Variants in FRMPD2 observed in about 807,000 individuals in gnomAD.
FRMPD2 encodes FERM and PDZ domain-containing protein 2.
In FRMPD2, 96 loss-of-function variants were observed where a neutral mutation model predicts 140.1. That is an observed-to-expected ratio of 0.69 (90% CI 0.58 to 0.81). The LOEUF (loss-of-function observed/expected upper bound fraction) is 0.81, where lower values mean the gene tolerates loss of function less well. FRMPD2 is among the 40% of genes least tolerant of loss of function. The pLI, the probability that FRMPD2 is intolerant of heterozygous loss-of-function variation, is 0.00. For synonymous variants in FRMPD2, 449 were observed against 547.6 expected, an observed-to-expected ratio of 0.82 and a Z score of 2.52; for missense variants, 1,240 against 1,447.4, an observed-to-expected ratio of 0.86 and a Z score of 2.32.
At chr10:48,248,092 A>C (rs929475875) in intron 3 of FRMPD2, among the ~76,000 whole-genome samples, 1 of 152,164 alleles carries the variant, frequency 6.6e-6, no homozygotes, top group African/African-American at 2.4e-5. Context: ...GAGGGAAAGC[A>C]GCTCCCATTC....
intron 4 of FRMPD2, among the ~76,000 whole-genome samples, chr10:48,244,263 G>T (rs1840193268): frequency 6.6e-6 from 1 of 152,194 alleles, no homozygotes; most frequent in Non-Finnish European, 1.5e-5. Flanking sequence ...GGGACTATAG[G>T]CGTGAGCCAC....
rs1425237912 is a variant in FRMPD2, at chr10:48,156,577, A to G, written c.*745T>C. 4.8e-6 allele frequency: 1 copy of G among 207,430 alleles called. No homozygotes were observed. The highest frequency in any genetic ancestry group is 9.7e-5 in the East Asian group (1 of 10,264). 12.8% of individuals were successfully genotyped at this position (207,430 alleles called of 1,614,324 possible). A position where few individuals can be genotyped will look rare whatever the true frequency, so the allele number is the denominator to read the frequency against. On this transcript the variant is annotated 3_prime_UTR_variant, in exon 29 of 29. Coordinates refer to ENST00000374201, the MANE Select transcript of FRMPD2 (RefSeq NM_001018071.4). Reference sequence around the variant, plus strand: ...CAACCCTGGCTTTGAGGAGCCCCCAATTTAATGAGAAGTTGGAGCAGTAAA... The same window carrying G: ...CAACCCTGGCTTTGAGGAGCCCCCAGTTTAATGAGAAGTTGGAGCAGTAAA...
In FRMPD2 at chr10:48,184,774, C is replaced by G; in HGVS notation, c.2467G>C (p.Gly823Arg). ...TCTCTAGTAATTTAAAAAGATGTAC[C>G]TGGTTTGATCGTTTTTGCTTTTTCT... ...PAEKAKTIKP[G>R]GQILALNHIS... Residue 823 changes from glycine to arginine, a missense_variant and splice_region_variant, in exon 19 of 29, where the codon GGA (glycine) becomes CGA (arginine). Physicochemically the swap from Gly to Arg is moderately radical, Grantham distance 125. This residue lies in a region of FRMPD2 where 1,161 missense variants were observed against 1,055.9 expected (regional missense o/e 1.10). Coordinates refer to ENST00000374201, the MANE Select transcript of FRMPD2 (RefSeq NM_001018071.4). 6.2e-7 allele frequency: 1 copy of G among 1,610,880 alleles called. No homozygotes were observed. The highest frequency in any genetic ancestry group is 1.1e-5 in the South Asian group (1 of 90,578).
At chr10:48,213,413 G>T (rs1025930335) in intron 12 of FRMPD2, among the ~76,000 whole-genome samples, 6 of 152,230 alleles carry the variant, frequency 3.9e-5, no homozygotes, top group African/African-American at 1.2e-4. Flanking sequence ...TTAGAATACA[G>T]TTTGGTTGTT....
chr10:48,273,597 C>A (rs560376345), intron 1 of FRMPD2, among the ~76,000 whole-genome samples: 3 of 152,170 alleles, frequency 2.0e-5, no homozygotes, highest in Non-Finnish European at 4.4e-5. Flanking sequence ...GCTCAAGCAA[C>A]ACCTCTCCCA....
At chr10:48,215,964 C>T (rs1163058363) in intron 12 of FRMPD2, among the ~76,000 whole-genome samples, 2 of 152,128 alleles carry the variant, frequency 1.3e-5, no homozygotes, top group African/African-American at 4.8e-5. Context: ...GATGGCCCTC[C>T]CTAAAGTGAA....
intron 7 of FRMPD2, among the ~76,000 whole-genome samples, chr10:48,238,459 T>A (rs960114442): frequency 6.6e-6 from 1 of 152,216 alleles, no homozygotes; most frequent in Non-Finnish European, 1.5e-5. Flanking sequence ...AGTTCTGGCT[T>A]CTTTAGAATT....
chr10:48,180,291 C>G (rs1356223753), intron 21 of FRMPD2, among the ~76,000 whole-genome samples: 1 of 152,192 alleles, frequency 6.6e-6, no homozygotes, highest in South Asian at 2.1e-4. Flanking sequence ...GACAACACCA[C>G]TGGGAATCCA....
rs1196772010 is a variant in FRMPD2, at chr10:48,238,075, G to A, written c.837C>T (p.Leu279=). The A allele has an allele frequency of 6.2e-7, 1 of 1,613,696 alleles. No homozygotes were observed. Among genetic ancestry groups the A allele is most frequent in the Admixed American group, 1.7e-5 (1 of 60,014 alleles). The change falls in exon 8 of 29, where the codon CTC becomes CTT. Residue 279 remains leucine (L), a synonymous_variant. Coordinates refer to ENST00000374201, the MANE Select transcript of FRMPD2 (RefSeq NM_001018071.4). ...DPQDQQAGRR[L]SSGSVHSAAD... Reference sequence around the variant, plus strand: ...CTGCCGAGTGCACAGATCCAGAGCTGAGCCTCCGGCCCGCCTGCTGGTCCT... The same window carrying A: ...CTGCCGAGTGCACAGATCCAGAGCTAAGCCTCCGGCCCGCCTGCTGGTCCT...
intron 2 of FRMPD2, among the ~76,000 whole-genome samples, chr10:48,250,204 C>T (rs972293267): frequency 1.3e-5 from 2 of 152,142 alleles, no homozygotes; most frequent in Admixed American, 6.5e-5. Context: ...ACCTGGCCAC[C>T]GGTGGCTATT....
intron 15 of FRMPD2, among the ~76,000 whole-genome samples, chr10:48,195,683 A>G (rs74130187): frequency 0.049 from 7,487 of 152,330 alleles, 594 homozygotes; most frequent in African/African-American, 0.16. Flanking sequence ...TTCCAGTGAT[A>G]TTTATCATAT....
At position 48,207,329 on chromosome 10, in the gene FRMPD2, G is replaced by A. The variant is rs115185596; in HGVS notation, c.1612-396C>T. Among the ~76,000 whole-genome samples, 302 of 152,202 alleles carry A rather than the reference G, an allele frequency of 2.0e-3. 1 individual carries two copies. The highest frequency in any genetic ancestry group is 6.6e-3 in the African/African-American group (275 of 41,508). The stretch of plus-strand genomic sequence containing the variant: ...TTTCCTTGTTGTGTCAGAGTCTATA[G>A]TATTCTCTGTTCCAATCCCTTTACG... On this transcript the variant is annotated intron_variant, in intron 13 of 28. Coordinates refer to ENST00000374201, the MANE Select transcript of FRMPD2 (RefSeq NM_001018071.4).
At chr10:48,269,095 G>A (rs960336102) in intron 1 of FRMPD2, among the ~76,000 whole-genome samples, 6 of 152,114 alleles carry the variant, frequency 3.9e-5, no homozygotes, top group African/African-American at 1.4e-4. Flanking sequence ...ATAAACAGGT[G>A]AAAAAATACA....
intron 1 of FRMPD2, among the ~76,000 whole-genome samples, chr10:48,269,140 T>A (rs1840726917): frequency 6.6e-6 from 1 of 152,174 alleles, no homozygotes; most frequent in East Asian, 1.9e-4. Context: ...ATTTGCTGTG[T>A]TTCTAGTAAA....
intron 12 of FRMPD2, among the ~76,000 whole-genome samples, chr10:48,221,958 G>C (rs1588838454): frequency 6.9e-6 from 1 of 144,010 alleles, no homozygotes; most frequent in East Asian, 2.2e-4. Context: ...AGGTGGGTGG[G>C]TGGGTGGATG....
intron 4 of FRMPD2, among the ~76,000 whole-genome samples, chr10:48,244,227 T>C (rs1443411476): frequency 6.6e-6 from 1 of 152,172 alleles, no homozygotes; most frequent in Non-Finnish European, 1.5e-5. Context: ...TCAAGTGGTC[T>C]CCCCACCTCA....
At chr10:48,184,428 G>A (rs1330545043) in intron 20 of FRMPD2, 138 bp downstream of exon 20, 1 of 610,376 alleles carries the variant, frequency 1.6e-6, no homozygotes. Flanking sequence ...CCACTACACT[G>A]CTTCTTTGCA....
intron 1 of FRMPD2, among the ~76,000 whole-genome samples, chr10:48,266,132 G>A (rs1391804804): frequency 1.3e-5 from 2 of 152,138 alleles, no homozygotes; most frequent in Non-Finnish European, 2.9e-5. Flanking sequence ...ATCAAATACT[G>A]CATGTTCTCA....
chr10:48,171,864 A>G (rs1167108582), intron 25 of FRMPD2, among the ~76,000 whole-genome samples: 1 of 152,248 alleles, frequency 6.6e-6, no homozygotes, highest in East Asian at 1.9e-4. Context: ...CATTTGTAGT[A>G]TACTTGAAAC....
Sources: gnomAD v4.1 joint callset for allele counts (sites outside exome capture counted in the v4.1 genomes callset) on GRCh38, gnomAD v4.1.1 for gene constraint, gnomAD v4.1.1 regional missense constraint, MANE v1.5 for transcripts, NCBI Gene and HGNC (gene_info 2026-07-23, HGNC 2026-07-21) for gene names.